The following FMN1 variants were observed in gnomAD, a reference collection of about 807,000 sequenced individuals.
The protein encoded by FMN1 is formin-1.
FMN1 carries 110 observed loss-of-function variants against 132.4 expected under a neutral mutation model. The observed-to-expected ratio is 0.83, with a 90% confidence interval of 0.71 to 0.97. The LOEUF is 0.97. FMN1 is among the 50% of genes least tolerant of loss of function. The pLI is 0.00. For synonymous variants in FMN1, 722 were observed against 651.7 expected (o/e 1.11, Z -1.64); for missense variants, 1,792 against 1,705.3 (o/e 1.05, Z -0.90).
At chr15:32,963,762 A>G (rs1254744259) in intron 9 of FMN1, among the ~76,000 whole-genome samples, 1 of 152,154 alleles carries the variant, frequency 6.6e-6, no homozygotes, top group African/African-American at 2.4e-5. Context: ...AATGGCTGAA[A>G]AAGTCCAGAT....
chr15:33,114,090 C>T (rs1345834010), intron 4 of FMN1, among the ~76,000 whole-genome samples: 1 of 152,206 alleles, frequency 6.6e-6, no homozygotes, highest in East Asian at 1.9e-4. Context: ...CAGCTCTGTT[C>T]AGAATTGTCA....
intron 6 of FMN1, 94 bp downstream of exon 6, chr15:33,064,863 T>C: frequency 1.2e-6 from 1 of 857,294 alleles, no homozygotes; most frequent in East Asian, 2.6e-5. Flanking sequence ...TATAATGAAA[T>C]AAAACCCCAA....
intron 10 of FMN1, among the ~76,000 whole-genome samples, chr15:32,917,386 T>C (rs574773592): frequency 1.3e-5 from 2 of 152,312 alleles, no homozygotes; most frequent in South Asian, 2.1e-4. Flanking sequence ...TCTATGCAAG[T>C]ATCCAAATGA....
chr15:33,140,423 T>G (rs1039268575), intron 4 of FMN1, among the ~76,000 whole-genome samples: 3 of 152,228 alleles, frequency 2.0e-5, no homozygotes, highest in Non-Finnish European at 4.4e-5. Context: ...GATCCTGTTT[T>G]GAAGGGGTCT....
rs375981974 is a variant in FMN1 at position 32,908,590 on chromosome 15, T to C, written c.3289-12A>G. 3.6e-6 allele frequency: 3 copies of C among 837,072 alleles called. No individual in the cohort carries two copies. The highest frequency in any genetic ancestry group is 3.8e-5 in the South Asian group (1 of 26,252). 51.9% of individuals were successfully genotyped at this position (837,072 alleles called of 1,614,324 possible). A position where few individuals can be genotyped will look rare whatever the true frequency, so the allele number is the denominator to read the frequency against. On this transcript the variant is annotated splice_polypyrimidine_tract_variant and intron_variant, in intron 11 of 20. Transcript: ENST00000616417. Reference sequence around the variant, plus strand: ...TCCTCTTGGGCTCTCTGTATCAAAATAGAAAACAAAACCAAAAAAAAAAAA... The same window carrying C: ...TCCTCTTGGGCTCTCTGTATCAAAACAGAAAACAAAACCAAAAAAAAAAAA...
intron 6 of FMN1, among the ~76,000 whole-genome samples, chr15:33,050,614 G>A (rs576067470): frequency 6.6e-6 from 1 of 152,360 alleles, no homozygotes; most frequent in Admixed American, 6.5e-5. Context: ...AAATGCTGGT[G>A]AAGTATGAGT....
At chr15:32,899,725 A>AT (rs1343305655) in intron 14 of FMN1, 7 of 523,938 alleles carry the variant, frequency 1.3e-5, no homozygotes, top group Non-Finnish European at 2.0e-5. Context: ...TCAATACCTG[A>AT]TTGTGTATGT....
intron 4 of FMN1, chr15:33,150,420 A>G: frequency 4.1e-6 from 4 of 985,466 alleles, no homozygotes; most frequent in Non-Finnish European, 3.6e-6. Context: ...CCTGACTACC[A>G]GTTCTTGTTA....
At chr15:32,801,637 A>C (rs2057484731) in intron 18 of FMN1, among the ~76,000 whole-genome samples, 1 of 151,542 alleles carries the variant, frequency 6.6e-6, no homozygotes, top group Non-Finnish European at 1.5e-5. Flanking sequence ...ACAAACAAAC[A>C]AAAAAAAATT....
chr15:33,128,806 T>C (rs563188190), intron 4 of FMN1, among the ~76,000 whole-genome samples: 31 of 152,316 alleles, frequency 2.0e-4, no homozygotes, highest in African/African-American at 6.5e-4. Context: ...AGATTTACTG[T>C]CACGAGCAAA....
intron 17 of FMN1, among the ~76,000 whole-genome samples, chr15:32,833,786 A>C (rs2058560958): frequency 6.6e-6 from 1 of 152,194 alleles, no homozygotes; most frequent in African/African-American, 2.4e-5. Flanking sequence ...CTCTTAGCAA[A>C]TGATCTAAGG....
intron 9 of FMN1, among the ~76,000 whole-genome samples, chr15:32,963,901 G>T (rs1325882082): frequency 6.6e-6 from 1 of 151,156 alleles, no homozygotes; most frequent in East Asian, 2.0e-4. Context: ...AGCACCAACA[G>T]CATGTAATGA....
chr15:32,990,208 C>T (rs2033347142), intron 7 of FMN1, among the ~76,000 whole-genome samples: 1 of 152,032 alleles, frequency 6.6e-6, no homozygotes, highest in African/African-American at 2.4e-5. Context: ...AGGGAAATCT[C>T]CAAGAGACAA....
chr15:33,165,531 C>T (rs889677580), intron 3 of FMN1, among the ~76,000 whole-genome samples: 2 of 152,188 alleles, frequency 1.3e-5, no homozygotes, highest in Non-Finnish European at 2.9e-5. Context: ...GCTGGGAATA[C>T]AGGCGCCCGC....
chr15:33,058,676 C>T (rs2037345373), intron 6 of FMN1, among the ~76,000 whole-genome samples: 1 of 152,104 alleles, frequency 6.6e-6, no homozygotes, highest in Non-Finnish European at 1.5e-5. Flanking sequence ...CAGATGAGTC[C>T]AGTGAGCCAG....
intron 10 of FMN1, among the ~76,000 whole-genome samples, chr15:32,919,758 C>T (rs185789619): frequency 2.0e-4 from 30 of 152,236 alleles, no homozygotes; most frequent in Admixed American, 4.6e-4. Context: ...CAGGAAAGTC[C>T]TAGATAAGTT....
intron 9 of FMN1, among the ~76,000 whole-genome samples, chr15:32,929,575 G>C (rs1166444749): frequency 3.3e-5 from 5 of 152,168 alleles, no homozygotes; most frequent in African/African-American, 1.2e-4. Flanking sequence ...CCACAGAATA[G>C]CAGATTTCCA....
intron 17 of FMN1, among the ~76,000 whole-genome samples, chr15:32,834,397 T>G (rs2058575094): frequency 6.6e-6 from 1 of 152,160 alleles, no homozygotes. Flanking sequence ...CTTAATTACA[T>G]ATAACCATGT....
At chr15:32,899,338 AC>A (rs914170227) in intron 14 of FMN1, among the ~76,000 whole-genome samples, 2 of 152,084 alleles carry the variant, frequency 1.3e-5, no homozygotes, top group Non-Finnish European at 1.5e-5. Flanking sequence ...CCACTTTATG[AC>A]CCCGGGAGGC....
Sources: gnomAD v4.1 joint callset for allele counts (sites outside exome capture counted in the v4.1 genomes callset) on GRCh38, gnomAD v4.1.1 for gene constraint, MANE v1.5 for transcripts, NCBI Gene and HGNC (gene_info 2026-07-23, HGNC 2026-07-21) for gene names.